PTBP3: variants seen among roughly 807,000 people sequenced by gnomAD.
PTBP3 encodes the protein polypyrimidine tract binding protein 3.
In PTBP3, 20 loss-of-function variants were observed where a neutral mutation model predicts 58.7. The observed-to-expected ratio is 0.34, with a 90% CI of 0.24 to 0.50. The LOEUF is 0.50. Ranked by LOEUF, PTBP3 falls within the 20% of genes least tolerant of loss-of-function variation. The probability of loss-of-function intolerance (pLI) is 0.98; values close to 1 mark genes in which losing one functional copy is unlikely to be tolerated. For synonymous variants in PTBP3, 185 were observed against 219.8 expected, an observed-to-expected ratio of 0.84 and a Z score of 1.40; for missense variants, 509 against 637.2, an observed-to-expected ratio of 0.80 and a Z score of 2.17.
At chr9:112,286,511 G>C (rs1026179365) in intron 2 of PTBP3, among the ~76,000 whole-genome samples, 2 of 151,796 alleles carry the variant, frequency 1.3e-5, no homozygotes, top group Non-Finnish European at 2.9e-5. Flanking sequence ...ATTTATCACA[G>C]AGTACCTTCA....
intron 10 of PTBP3, among the ~76,000 whole-genome samples, chr9:112,230,461 T>A (rs1053540358): frequency 2.0e-5 from 3 of 152,240 alleles, no homozygotes; most frequent in African/African-American, 7.2e-5. Context: ...TCCACTGATT[T>A]ACGGGGAAAA....
intron 1 of PTBP3, among the ~76,000 whole-genome samples, chr9:112,300,506 AC>A (rs983952719): frequency 1.2e-4 from 19 of 152,160 alleles, no homozygotes; most frequent in Admixed American, 2.6e-4. Flanking sequence ...TAATCCCAGC[AC>A]TTTGGGAGGG....
chr9:112,227,693 A>T, intron 11 of PTBP3, 66 bp from the exon 12 acceptor site: 7 of 1,153,122 alleles, frequency 6.1e-6, no homozygotes, highest in Non-Finnish European at 9.1e-6. Context: ...GTATCTGACA[A>T]CATTACCATA....
chr9:112,331,783 A>C (rs1232786229), intron 1 of PTBP3, among the ~76,000 whole-genome samples: 1 of 152,256 alleles, frequency 6.6e-6, no homozygotes, highest in Non-Finnish European at 1.5e-5. Flanking sequence ...AATAGCGTGA[A>C]GGGAGAGTAA....
intron 1 of PTBP3, among the ~76,000 whole-genome samples, chr9:112,328,302 A>G (rs1327729594): frequency 6.6e-6 from 1 of 152,216 alleles, no homozygotes; most frequent in Non-Finnish European, 1.5e-5. Flanking sequence ...CTTGGATGGA[A>G]TCCAAAAAGA....
chr9:112,319,900 C>T (rs762576378), intron 1 of PTBP3, among the ~76,000 whole-genome samples: 3 of 152,106 alleles, frequency 2.0e-5, no homozygotes, highest in Non-Finnish European at 4.4e-5. Flanking sequence ...GAGGACACTG[C>T]GTTAAGCAAA....
chr9:112,302,271 TAAG>T (rs1186084008), intron 1 of PTBP3, among the ~76,000 whole-genome samples: 3 of 151,626 alleles, frequency 2.0e-5, no homozygotes, highest in Non-Finnish European at 2.9e-5. Context: ...GAAAGGCAAA[TAAG>T]AAATCTACCA....
chr9:112,221,348 T>C lies in PTBP3; in HGVS notation c.*2503A>G, dbSNP rs1389238211. On this transcript the variant is annotated 3_prime_UTR_variant, in exon 14 of 14. Coordinates refer to ENST00000374257, the MANE Select transcript of PTBP3 (RefSeq NM_001163788.4). ...AGGATTCAAATGTTCTCTCTCAGAC[T>C]TAAAAGGCCATTCCCTACTTCAAAG... 1 of 985,702 alleles carries C rather than the reference T, an allele frequency of 1.0e-6. No individual in the cohort carries two copies. Among genetic ancestry groups the C allele is most frequent in the East Asian group, 1.1e-4 (1 of 8,820 alleles). The allele number at this position is 985,702 out of a possible 1,614,324, so 61.1% of individuals were successfully genotyped here.
At chr9:112,280,241 C>T (rs1051085866) in intron 2 of PTBP3, among the ~76,000 whole-genome samples, 2 of 151,968 alleles carry the variant, frequency 1.3e-5, no homozygotes, top group Admixed American at 1.3e-4. Context: ...TTTTAGTAGA[C>T]ACGTGGTTTC....
At position 112,223,964 on chromosome 9, in the gene PTBP3, G is replaced by A. The variant is rs771735559; in HGVS notation, c.1462C>T (p.Leu488Phe). ...TCTTCCACAGATCCCAATTGAATGA[G>A]CGCCATTTTGCGATCTTTCCTGAAA... ...KFFQKDRKMA[L>F]IQLGSVEEAI... Residue 488 changes from leucine to phenylalanine, a missense_variant, in exon 14 of 14, where the codon CTC (leucine) becomes TTC (phenylalanine). Leu to Phe is a conservative substitution (Grantham distance 22, BLOSUM62 0). Around this residue, in one of 4 missense-constraint regions of PTBP3, gnomAD observed 135 missense variants for 229.0 expected, o/e 0.59. Transcript: ENST00000374257. 2 of 1,611,836 alleles carry A rather than the reference G, an allele frequency of 1.2e-6. No individual in the cohort carries two copies. The highest frequency in any genetic ancestry group is 3.4e-5 in the Admixed American group (2 of 59,550).
chr9:112,307,283 T>C (rs1211403373), intron 1 of PTBP3, among the ~76,000 whole-genome samples: 2 of 152,126 alleles, frequency 1.3e-5, no homozygotes, highest in South Asian at 2.1e-4. Flanking sequence ...TGAGATCCCA[T>C]CTCTACCAAA....
chr9:112,222,448 A>C lies in PTBP3; in HGVS notation c.*1403T>G. 1 of 985,578 alleles carries C rather than the reference A, an allele frequency of 1.0e-6. No homozygotes were observed. Among genetic ancestry groups the C allele is most frequent in the Middle Eastern group, 5.2e-4 (1 of 1,912 alleles). 61.1% of individuals were successfully genotyped at this position (985,578 alleles called of 1,614,324 possible). A position where few individuals can be genotyped will look rare whatever the true frequency, so the allele number is the denominator to read the frequency against. ...GCTTGAGGACTGAGAAAAACCAAGTAATCCTGAGACAAATTCTGATGGGTG... is the reference window on the plus strand; with the variant it reads ...GCTTGAGGACTGAGAAAAACCAAGTCATCCTGAGACAAATTCTGATGGGTG... On this transcript the variant is annotated 3_prime_UTR_variant, in exon 14 of 14. Coordinates refer to ENST00000374257, the MANE Select transcript of PTBP3 (RefSeq NM_001163788.4).
intron 2 of PTBP3, among the ~76,000 whole-genome samples, chr9:112,282,337 T>C (rs1424549411): frequency 6.6e-6 from 1 of 152,196 alleles, no homozygotes; most frequent in African/African-American, 2.4e-5. Flanking sequence ...CTGGTTTCAT[T>C]AATTTTTCTC....
At chr9:112,328,061 G>GT (rs1830226841) in intron 1 of PTBP3, among the ~76,000 whole-genome samples, 1 of 152,122 alleles carries the variant, frequency 6.6e-6, no homozygotes, top group South Asian at 2.1e-4. Context: ...ATACTACAGA[G>GT]TATTTTCAAT....
intron 3 of PTBP3, 81 bp from the exon 4 acceptor site, chr9:112,268,276 T>G: frequency 2.1e-6 from 3 of 1,420,962 alleles, no homozygotes; most frequent in Non-Finnish European, 2.8e-6. Context: ...TCTAGCTTGC[T>G]CTAAACCCAT....
At chr9:112,332,737 C>T in intron 1 of PTBP3, 1 of 1,605,404 alleles carries the variant, frequency 6.2e-7, no homozygotes, top group Non-Finnish European at 8.5e-7. Flanking sequence ...AATTTTTGAG[C>T]ATTTGAAATG....
the PTBP3 span, among the ~76,000 whole-genome samples, chr9:112,375,781 G>C: frequency 0.012 from 1,883 of 152,234 alleles, 47 homozygotes; most frequent in African/African-American, 0.044. Flanking sequence ...GGGTCAGAAA[G>C]CATCCAGTTC....
chr9:112,231,495 T>C, intron 9 of PTBP3, 82 bp from the exon 10 acceptor site: 1 of 1,151,218 alleles, frequency 8.7e-7, no homozygotes, highest in South Asian at 1.6e-5. Context: ...TAATGGCAGT[T>C]GATTTTATTT....
chr9:112,312,691 T>TA (rs1829540796), intron 1 of PTBP3, among the ~76,000 whole-genome samples: 1 of 151,740 alleles, frequency 6.6e-6, no homozygotes, highest in Non-Finnish European at 1.5e-5. Context: ...AATAAAATTT[T>TA]AAAAAATAAT....
Sources: allele counts gnomAD v4.1 joint callset (sites outside exome capture counted in the v4.1 genomes callset), GRCh38; gene constraint gnomAD v4.1.1; regional missense constraint gnomAD v4.1.1; transcripts MANE v1.5; gene names NCBI Gene and HGNC (gene_info 2026-07-23, HGNC 2026-07-21).